Variants in KCNIP4 observed in about 807,000 individuals in gnomAD.
KCNIP4 encodes the protein potassium voltage-gated channel interacting protein 4.
Under a neutral mutation model 34.0 loss-of-function variants are expected in KCNIP4, and 12 were observed. The observed-to-expected ratio is 0.35, with a 90% CI of 0.23 to 0.57. The LOEUF (loss-of-function observed/expected upper bound fraction) is 0.57, where lower values mean the gene tolerates loss of function less well. Among genes scored for constraint, KCNIP4 ranks in the 20% least tolerant of loss-of-function variants. The pLI, the probability that KCNIP4 is intolerant of heterozygous loss-of-function variation, is 0.83. For synonymous variants in KCNIP4, 124 were observed against 102.2 expected, an observed-to-expected ratio of 1.21 and a Z score of -1.29; for missense variants, 238 against 311.7, an observed-to-expected ratio of 0.76 and a Z score of 1.78.
intron 1 of KCNIP4, among the ~76,000 whole-genome samples, chr4:21,777,900 C>T (rs1049234082): frequency 2.6e-5 from 4 of 151,990 alleles, no homozygotes; most frequent in African/African-American, 9.7e-5. Flanking sequence ...ATGCCCAAAC[C>T]AAGGGAACAT....
intron 1 of KCNIP4, among the ~76,000 whole-genome samples, chr4:21,869,803 T>C (rs945568450): frequency 1.3e-5 from 2 of 150,816 alleles, no homozygotes; most frequent in Admixed American, 6.6e-5. Context: ...GACAGATAGA[T>C]AGATATAGAT....
rs187243247 is a variant in KCNIP4 at position 21,016,806 on chromosome 4, G to A, written c.62-134097C>T. On this transcript the variant is annotated intron_variant, in intron 1 of 8. Coordinates refer to ENST00000382152, the MANE Select transcript of KCNIP4 (RefSeq NM_025221.6). ...GCAGTAGGCTTTCAGCAAACACTGA[G>A]GGAATAAGCTCATGAGAAGCAGCTA... 1.9e-3 allele frequency among the ~76,000 whole-genome samples: 289 copies of A among 152,126 alleles called. 6 individuals carry two copies. In the South Asian group the frequency reaches 0.053, roughly 28 times the overall value.
At chr4:21,176,198 A>C (rs1412069379) in intron 1 of KCNIP4, among the ~76,000 whole-genome samples, 2 of 152,182 alleles carry the variant, frequency 1.3e-5, no homozygotes, top group Non-Finnish European at 2.9e-5. Context: ...CCAAATTTTT[A>C]TTCTAAGAAA....
In KCNIP4 at chr4:20,976,331, C is replaced by T. The variant is rs545833338; in HGVS notation, c.62-93622G>A. On this transcript the variant is annotated intron_variant, in intron 1 of 8. Coordinates refer to ENST00000382152, the MANE Select transcript of KCNIP4 (RefSeq NM_025221.6). ...TGATTCTGAAGCATTCTTCAGAGAA[C>T]GGTAGTCAAACTCAAGAAACTGGAA... Among the ~76,000 whole-genome samples the T allele has an allele frequency of 3.3e-5, 5 of 152,274 alleles. 1 individual carries two copies. Among genetic ancestry groups the T allele is most frequent in the African/African-American group, 9.6e-5 (4 of 41,554 alleles).
At chr4:21,386,350 T>C (rs1264932422) in intron 1 of KCNIP4, among the ~76,000 whole-genome samples, 1 of 152,148 alleles carries the variant, frequency 6.6e-6, no homozygotes, top group African/African-American at 2.4e-5. Flanking sequence ...GGCCTCTAAA[T>C]TGACCTGCAA....
At chr4:21,921,354 T>A (rs183230282) in intron 1 of KCNIP4, among the ~76,000 whole-genome samples, 1 of 152,144 alleles carries the variant, frequency 6.6e-6, no homozygotes, top group Non-Finnish European at 1.5e-5. Flanking sequence ...TCTCTATGCA[T>A]GATCTTCCCA....
At chr4:21,401,337 TTC>T (rs1247468820) in intron 1 of KCNIP4, among the ~76,000 whole-genome samples, 31 of 152,314 alleles carry the variant, frequency 2.0e-4, no homozygotes, top group Non-Finnish European at 2.9e-5. Context: ...AACATGGACT[TTC>T]TCTTTAAGGA....
chr4:21,668,329 C>T (rs1012483524), intron 1 of KCNIP4, among the ~76,000 whole-genome samples: 4 of 151,808 alleles, frequency 2.6e-5, no homozygotes, highest in Non-Finnish European at 5.9e-5. Flanking sequence ...ACACGTTCTG[C>T]ACATATATCC....
chr4:21,767,387 T>G (rs1358331143), intron 1 of KCNIP4, among the ~76,000 whole-genome samples: 1 of 151,794 alleles, frequency 6.6e-6, no homozygotes, highest in Non-Finnish European at 1.5e-5. Context: ...GAAACTTGAC[T>G]CAGGGATGTG....
intron 1 of KCNIP4, among the ~76,000 whole-genome samples, chr4:21,247,324 T>C (rs1409799252): frequency 1.3e-5 from 2 of 151,970 alleles, no homozygotes; most frequent in Non-Finnish European, 2.9e-5. Flanking sequence ...AATTTAAGAC[T>C]AGATACTGGG....
At chr4:20,827,432 C>T (rs1717895854) in intron 3 of KCNIP4, among the ~76,000 whole-genome samples, 1 of 152,170 alleles carries the variant, frequency 6.6e-6, no homozygotes, top group Non-Finnish European at 1.5e-5. Context: ...GTGTCTCTTT[C>T]TCTTCTTATG....
chr4:21,682,881 C>T lies in KCNIP4; in HGVS notation c.61+265690G>A, dbSNP rs181961640. Among the ~76,000 whole-genome samples, 4 of 152,134 alleles carry T rather than the reference C, an allele frequency of 2.6e-5. No homozygotes were observed. The East Asian group carries it at 5.8e-4, about 22-fold the overall frequency. ...GGTTGGTGGCACTCCAAAACACTTA[C>T]GATAGTAACCTCAAAGATCATCATA... On this transcript the variant is annotated intron_variant, in intron 1 of 8. Coordinates refer to ENST00000382152, the MANE Select transcript of KCNIP4 (RefSeq NM_025221.6).
intron 1 of KCNIP4, among the ~76,000 whole-genome samples, chr4:21,025,788 A>G (rs1170578164): frequency 6.6e-6 from 1 of 151,952 alleles, no homozygotes; most frequent in African/African-American, 2.4e-5. Flanking sequence ...TCTCCTGACC[A>G]GGCTATCTGC....
At position 21,846,692 on chromosome 4, in the gene KCNIP4, T is replaced by C. The variant is rs1374921942; in HGVS notation, c.61+101879A>G. 5 of 152,236 alleles carry C rather than the reference T, an allele frequency of 3.3e-5. No individual in the cohort carries two copies. The South Asian group carries it at 6.2e-4, about 19-fold the overall frequency. The allele number at this position is 152,236 out of a possible 1,614,324, so 9.4% of individuals were successfully genotyped here. A position where few individuals can be genotyped will look rare whatever the true frequency, so the allele number is the denominator to read the frequency against. ...TTGAGGATTTATTTGTTACCCCAAA[T>C]GGCAAGTCCAAGGATTCAGGCGATC... is the stretch of plus-strand genomic sequence containing the variant. On this transcript the variant is annotated intron_variant, in intron 1 of 8. Coordinates refer to ENST00000382152, the MANE Select transcript of KCNIP4 (RefSeq NM_025221.6).
intron 1 of KCNIP4, among the ~76,000 whole-genome samples, chr4:21,853,933 G>C (rs1289498258): frequency 1.3e-5 from 2 of 152,164 alleles, no homozygotes; most frequent in Non-Finnish European, 2.9e-5. Context: ...TTGTCATTAA[G>C]TGCTGCTCTG....
intron 1 of KCNIP4, among the ~76,000 whole-genome samples, chr4:21,285,377 C>A (rs1003782738): frequency 2.0e-5 from 3 of 152,000 alleles, no homozygotes; most frequent in African/African-American, 7.3e-5. Flanking sequence ...CCATATGTTC[C>A]AAATGAGTCA....
chr4:21,100,137 G>T (rs976445635), intron 1 of KCNIP4, among the ~76,000 whole-genome samples: 1 of 152,140 alleles, frequency 6.6e-6, no homozygotes, highest in Non-Finnish European at 1.5e-5. Flanking sequence ...TTTGAGAGTC[G>T]ACTCCAATTT....
rs368632697 is a variant in KCNIP4, at chr4:21,860,968, A to G, written c.61+87603T>C. Among the ~76,000 whole-genome samples the G allele has an allele frequency of 2.6e-5, 4 of 152,280 alleles. No homozygotes were observed. In the East Asian group the frequency reaches 5.8e-4, roughly 22 times the overall value. On this transcript the variant is annotated intron_variant, in intron 1 of 8. Transcript: ENST00000382152. ...CCAGTCAACAGCCACTCCATTCAAA[A>G]ACTCTCAGTGCTACAAATGGCAACT...
At chr4:21,687,980 C>A (rs28503364) in intron 1 of KCNIP4, among the ~76,000 whole-genome samples, 12,227 of 152,174 alleles carry the variant, frequency 0.08, 794 homozygotes, top group East Asian at 0.17. Flanking sequence ...AGGTTTGGTA[C>A]TTTGGGCTTG....
Sources: allele counts gnomAD v4.1 joint callset (sites outside exome capture counted in the v4.1 genomes callset), GRCh38; gene constraint gnomAD v4.1.1; transcripts MANE v1.5; gene names NCBI Gene and HGNC (gene_info 2026-07-23, HGNC 2026-07-21).